The following KLF12 variants were observed in gnomAD, a reference collection of about 807,000 sequenced individuals.
KLF12 encodes Krueppel-like factor 12.
KLF12 carries 9 observed loss-of-function variants against 37.8 expected under a neutral mutation model. The observed-to-expected ratio is 0.24, with a 90% confidence interval of 0.14 to 0.42. The LOEUF (loss-of-function observed/expected upper bound fraction) is 0.42, where lower values mean the gene tolerates loss of function less well. Among genes scored for constraint, KLF12 ranks in the 10% least tolerant of loss-of-function variants. KLF12 has a pLI of 1.00. For missense variants in KLF12, 411 were observed against 516.0 expected (o/e 0.80, Z 1.97); for synonymous variants, 208 against 202.1 (o/e 1.03, Z -0.25).
At chr13:73,745,819 G>C (rs1013748408) in intron 6 of KLF12, among the ~76,000 whole-genome samples, 1 of 152,162 alleles carries the variant, frequency 6.6e-6, no homozygotes, top group African/African-American at 2.4e-5. Flanking sequence ...CAGTTTGAAA[G>C]CATGCAAGTC....
intron 2 of KLF12, among the ~76,000 whole-genome samples, chr13:73,986,763 G>T (rs563744056): frequency 6.6e-6 from 1 of 152,248 alleles, no homozygotes; most frequent in East Asian, 1.9e-4. Context: ...GAAGGACTTG[G>T]CCCAAAGCTG....
intron 3 of KLF12, among the ~76,000 whole-genome samples, chr13:73,895,331 G>A (rs563078986): frequency 6.6e-6 from 1 of 152,304 alleles, no homozygotes; most frequent in Middle Eastern, 3.4e-3. Context: ...TGAAACCACA[G>A]TTAAGTAGTT....
At chr13:73,749,918 C>T (rs1342353751) in intron 6 of KLF12, among the ~76,000 whole-genome samples, 2 of 152,152 alleles carry the variant, frequency 1.3e-5, no homozygotes, top group Admixed American at 1.3e-4. Context: ...TTCCTACATA[C>T]TCATCTCCAT....
At chr13:74,020,807 C>T (rs772216779) in intron 1 of KLF12, among the ~76,000 whole-genome samples, 6 of 151,352 alleles carry the variant, frequency 4.0e-5, no homozygotes, top group African/African-American at 7.3e-5. Flanking sequence ...AGGAGAATGG[C>T]GTGAACCCGG....
chr13:74,082,308 T>C (rs1161280489), intron 1 of KLF12, among the ~76,000 whole-genome samples: 1 of 152,076 alleles, frequency 6.6e-6, no homozygotes, highest in Admixed American at 6.6e-5. Context: ...AATCCACACA[T>C]ATCCTTTTCA....
intron 1 of KLF12, among the ~76,000 whole-genome samples, chr13:74,116,577 A>G (rs1009641926): frequency 4.6e-5 from 7 of 152,204 alleles, no homozygotes; most frequent in African/African-American, 1.7e-4. Flanking sequence ...TCCCATGGCT[A>G]TGATTGTTTC....
intron 4 of KLF12, among the ~76,000 whole-genome samples, chr13:73,829,218 T>C (rs553203304): frequency 6.6e-6 from 1 of 152,282 alleles, no homozygotes; most frequent in East Asian, 1.9e-4. Flanking sequence ...TAGAAAGAAA[T>C]ACACTGCACA....
At chr13:73,969,899 C>A (rs1891280154) in intron 2 of KLF12, among the ~76,000 whole-genome samples, 1 of 152,168 alleles carries the variant, frequency 6.6e-6, no homozygotes, top group African/African-American at 2.4e-5. Flanking sequence ...TATATACAAA[C>A]AAGCCTCTTG....
intron 1 of KLF12, among the ~76,000 whole-genome samples, chr13:74,058,984 T>C (rs188011342): frequency 1.5e-4 from 23 of 152,346 alleles, no homozygotes; most frequent in African/African-American, 3.4e-4. Context: ...CCAGTGTCTA[T>C]TGTTTATGAC....
At chr13:74,180,625 A>G in the KLF12 span, among the ~76,000 whole-genome samples, 1 of 152,238 alleles carries the variant, frequency 6.6e-6, no homozygotes, top group African/African-American at 2.4e-5. Context: ...TGATGGATAG[A>G]GGCAAATCTT....
intron 3 of KLF12, among the ~76,000 whole-genome samples, chr13:73,882,632 T>C (rs926265816): frequency 6.6e-6 from 1 of 152,140 alleles, no homozygotes; most frequent in African/African-American, 2.4e-5. Context: ...AAAGAACACA[T>C]AAGTAATCAT....
rs78852044 is a variant in KLF12 at position 73,938,120 on chromosome 13, G to A, written c.123+5861C>T. Among the ~76,000 whole-genome samples the A allele has an allele frequency of 1.2e-3, 177 of 152,336 alleles. 4 individuals are homozygous for A. The East Asian group carries it at 0.031, about 27-fold the overall frequency. On this transcript the variant is annotated intron_variant, in intron 3 of 7. Coordinates refer to ENST00000377669, the MANE Select transcript of KLF12 (RefSeq NM_007249.5). ...CGCTGGCCCCTGTTCCACAGCAGGA[G>A]AGGGAATAATGAGCCCCTGGTTAAA...
At chr13:73,931,284 T>A (rs1889662871) in intron 3 of KLF12, among the ~76,000 whole-genome samples, 1 of 152,346 alleles carries the variant, frequency 6.6e-6, no homozygotes, top group South Asian at 2.1e-4. Flanking sequence ...CTAAGTATTA[T>A]GTATACAATT....
chr13:73,730,294 C>G lies in KLF12; in HGVS notation c.870-14769G>C, dbSNP rs1876972032. 2.0e-5 allele frequency among the ~76,000 whole-genome samples: 3 copies of G among 152,162 alleles called. No homozygotes were observed. In the South Asian group the frequency reaches 6.2e-4, roughly 32 times the overall value. On this transcript the variant is annotated intron_variant, in intron 6 of 7. Coordinates refer to ENST00000377669, the MANE Select transcript of KLF12 (RefSeq NM_007249.5). ...CTGATTTCTTACTCCACCCCCATCT[C>G]AACTGTACGCAAAAGAAGAACAACA...
At chr13:73,741,045 T>C (rs1490312583) in intron 6 of KLF12, among the ~76,000 whole-genome samples, 1 of 152,220 alleles carries the variant, frequency 6.6e-6, no homozygotes, top group Non-Finnish European at 1.5e-5. Context: ...ACATAATACT[T>C]TAAGTTTATA....
At chr13:73,861,384 C>T (rs1566423549) in intron 3 of KLF12, among the ~76,000 whole-genome samples, 4 of 152,236 alleles carry the variant, frequency 2.6e-5, no homozygotes, top group African/African-American at 4.8e-5. Flanking sequence ...TTTCTCCTCC[C>T]TTTGGCTTAT....
chr13:73,884,481 C>G (rs1169705139), intron 3 of KLF12, among the ~76,000 whole-genome samples: 2 of 152,168 alleles, frequency 1.3e-5, no homozygotes, highest in Non-Finnish European at 2.9e-5. Context: ...AACACTGGAC[C>G]CAATGCCATC....
chr13:74,001,364 T>G (rs564800674), intron 1 of KLF12, among the ~76,000 whole-genome samples: 1 of 152,280 alleles, frequency 6.6e-6, no homozygotes, highest in East Asian at 1.9e-4. Flanking sequence ...CAACTGAAAA[T>G]AAAATCAAAC....
chr13:73,961,136 T>C (rs1168238397), intron 2 of KLF12, among the ~76,000 whole-genome samples: 1 of 152,156 alleles, frequency 6.6e-6, no homozygotes, highest in African/African-American at 2.4e-5. Context: ...TCTGCCCTCC[T>C]TTGAGCCTTT....
Sources: allele counts gnomAD v4.1 joint callset (sites outside exome capture counted in the v4.1 genomes callset), GRCh38; gene constraint gnomAD v4.1.1; transcripts MANE v1.5; gene names NCBI Gene and HGNC (gene_info 2026-07-23, HGNC 2026-07-21).